SSBP3: variants seen among roughly 807,000 people sequenced by gnomAD.
SSBP3 encodes single-stranded DNA-binding protein 3.
In SSBP3, 5 loss-of-function variants were observed where a neutral mutation model predicts 69.6. The observed-to-expected ratio is 0.07, with a 90% confidence interval of 0.04 to 0.15. SSBP3 has a LOEUF of 0.15. Ranked by LOEUF, SSBP3 falls within the 10% of genes least tolerant of loss-of-function variation. SSBP3 has a pLI of 1.00. For missense variants in SSBP3, 312 were observed against 534.0 expected (o/e 0.58, Z 4.10); for synonymous variants, 196 against 193.4 (o/e 1.01, Z -0.11).
intron 5 of SSBP3, among the ~76,000 whole-genome samples, chr1:54,260,711 T>C (rs1570288789): frequency 6.6e-6 from 1 of 152,030 alleles, no homozygotes; most frequent in Non-Finnish European, 1.5e-5. Flanking sequence ...GCCAGGCTGG[T>C]CAGGGAGGCC....
intron 4 of SSBP3, among the ~76,000 whole-genome samples, chr1:54,336,305 C>A (rs1025523084): frequency 1.3e-5 from 2 of 152,224 alleles, no homozygotes; most frequent in South Asian, 4.1e-4. Flanking sequence ...CATGGCCCCC[C>A]ACGTTGGGGG....
intron 4 of SSBP3, among the ~76,000 whole-genome samples, chr1:54,299,808 C>T (rs1017513303): frequency 2.0e-5 from 3 of 152,186 alleles, no homozygotes; most frequent in African/African-American, 7.2e-5. Context: ...AAACCCAGAT[C>T]GCTCACACGG....
intron 5 of SSBP3, among the ~76,000 whole-genome samples, chr1:54,272,508 A>G (rs976100654): frequency 9.9e-5 from 15 of 151,250 alleles, no homozygotes; most frequent in Non-Finnish European, 1.3e-4. Flanking sequence ...AAAAGGGAGA[A>G]AAACCTCAGT....
chr1:54,402,049 G>A, intron 3 of SSBP3, 104 bp from the exon 4 acceptor site: 1 of 926,102 alleles, frequency 1.1e-6, no homozygotes, highest in Non-Finnish European at 1.6e-6. Flanking sequence ...TCTCCCAAAG[G>A]CTCAATCCCA....
At chr1:54,320,891 T>C (rs1283083203) in intron 4 of SSBP3, among the ~76,000 whole-genome samples, 1 of 152,168 alleles carries the variant, frequency 6.6e-6, no homozygotes, top group East Asian at 1.9e-4. Flanking sequence ...GTGGAATGAA[T>C]GAACAAGAGT....
At chr1:54,279,471 T>C (rs1445281404) in intron 5 of SSBP3, among the ~76,000 whole-genome samples, 1 of 152,140 alleles carries the variant, frequency 6.6e-6, no homozygotes, top group Non-Finnish European at 1.5e-5. Context: ...TAGAAGCCAA[T>C]GGCCTATTTT....
chr1:54,378,509 C>CA (rs1370484626), intron 4 of SSBP3, among the ~76,000 whole-genome samples: 2 of 152,216 alleles, frequency 1.3e-5, no homozygotes, highest in Non-Finnish European at 2.9e-5. Context: ...TGGCCTCAGC[C>CA]ACAGCCCCCA....
At chr1:54,305,783 C>T (rs1026219883) in intron 4 of SSBP3, among the ~76,000 whole-genome samples, 2 of 150,922 alleles carry the variant, frequency 1.3e-5, no homozygotes, top group Non-Finnish European at 2.9e-5. Context: ...ATAAAAGACA[C>T]GCCATAGGTG....
chr1:54,282,816 G>A (rs748579114), intron 4 of SSBP3, among the ~76,000 whole-genome samples: 2 of 152,218 alleles, frequency 1.3e-5, no homozygotes, highest in African/African-American at 4.8e-5. Context: ...CTGAGAAAGT[G>A]AAACTTGGTC....
chr1:54,335,373 G>A (rs1033042462), intron 4 of SSBP3, among the ~76,000 whole-genome samples: 2 of 152,108 alleles, frequency 1.3e-5, no homozygotes, highest in African/African-American at 2.4e-5. Context: ...GCATTTCTGG[G>A]AACAAAAGGC....
intron 4 of SSBP3, among the ~76,000 whole-genome samples, chr1:54,311,608 G>C (rs941835887): frequency 6.6e-6 from 1 of 152,140 alleles, no homozygotes. Context: ...CAGCCCCCAA[G>C]GGTAAGACAC....
At chr1:54,330,405 A>T (rs1234526344) in intron 4 of SSBP3, among the ~76,000 whole-genome samples, 3 of 152,142 alleles carry the variant, frequency 2.0e-5, no homozygotes, top group Non-Finnish European at 4.4e-5. Flanking sequence ...CTGGCCCCCT[A>T]CACCTCCACG....
chr1:54,384,412 C>A (rs565445561), intron 4 of SSBP3, among the ~76,000 whole-genome samples: 11 of 152,354 alleles, frequency 7.2e-5, no homozygotes, highest in African/African-American at 2.4e-4. Flanking sequence ...GGGAGGTGGG[C>A]AGCCTCCTGA....
intron 4 of SSBP3, among the ~76,000 whole-genome samples, chr1:54,321,383 T>G (rs942611438): frequency 1.3e-5 from 2 of 152,254 alleles, no homozygotes; most frequent in African/African-American, 4.8e-5. Context: ...GGCTGTCATT[T>G]GCCCGAGGTC....
rs1344859702 is a variant in SSBP3, at chr1:54,243,052, G to A, written c.716+183C>T. 6.8e-5 allele frequency: 44 copies of A among 648,630 alleles called. 1 individual carries two copies. In the East Asian group the frequency reaches 1.1e-3, roughly 17 times the overall value. The allele number at this position is 648,630 out of a possible 1,614,324, so 40.2% of individuals were successfully genotyped here. A position where few individuals can be genotyped will look rare whatever the true frequency, so the allele number is the denominator to read the frequency against. ...ATGCCTGAACCGTGCCCGGCACACA[G>A]AGGCACTCTATGAGGCTGAGCTCTC... On this transcript the variant is annotated intron_variant, in intron 10 of 17. Coordinates refer to ENST00000610401, the Ensembl canonical transcript of SSBP3.
At chr1:54,265,675 T>C (rs1277061360) in intron 5 of SSBP3, among the ~76,000 whole-genome samples, 1 of 152,142 alleles carries the variant, frequency 6.6e-6, no homozygotes, top group East Asian at 1.9e-4. Context: ...AGTTACCAGT[T>C]AGAGAAAGCA....
At position 54,225,806 on chromosome 1, in the gene SSBP3, C is replaced by T. The variant is rs78622257; in HGVS notation, c.*1325G>A. The stretch of plus-strand genomic sequence containing the variant: ...GAGCACCCTCCCGGGAGGGGACAGG[C>T]TCCACTGTCGGGCTTGTTGGTTTTT... On this transcript the variant is annotated 3_prime_UTR_variant, in exon 18 of 18. Coordinates refer to ENST00000610401, the Ensembl canonical transcript of SSBP3. 1.1e-4 allele frequency: 17 copies of T among 153,778 alleles called. No individual in the cohort carries two copies. The East Asian group carries it at 3.3e-3, about 30-fold the overall frequency. The allele number at this position is 153,778 out of a possible 1,614,324, so 9.5% of individuals were successfully genotyped here.
intron 14 of SSBP3, among the ~76,000 whole-genome samples, chr1:54,230,702 G>A (rs1644366315): frequency 6.6e-6 from 1 of 152,092 alleles, no homozygotes; most frequent in Non-Finnish European, 1.5e-5. Flanking sequence ...CCGGCCCCAG[G>A]CAAACACTAA....
intron 9 of SSBP3, among the ~76,000 whole-genome samples, chr1:54,244,439 G>T (rs1171318387): frequency 6.6e-6 from 1 of 151,648 alleles, no homozygotes; most frequent in Non-Finnish European, 1.5e-5. Flanking sequence ...TAGAGATGGG[G>T]TCTCCCTTCA....
Sources: gnomAD v4.1 joint callset for allele counts (sites outside exome capture counted in the v4.1 genomes callset) on GRCh38, gnomAD v4.1.1 for gene constraint, MANE v1.5 for transcripts, NCBI Gene and HGNC (gene_info 2026-07-23, HGNC 2026-07-21) for gene names.